PPP6R3: variants seen among roughly 807,000 people sequenced by gnomAD.
The protein encoded by PPP6R3 is serine/threonine-protein phosphatase 6 regulatory subunit 3.
PPP6R3 carries 38 observed loss-of-function variants against 110.7 expected under a neutral mutation model. The observed-to-expected ratio is 0.34, with a 90% CI of 0.26 to 0.45. The LOEUF (loss-of-function observed/expected upper bound fraction) is 0.45. Among genes scored for constraint, PPP6R3 ranks in the 20% least tolerant of loss-of-function variants. The probability of loss-of-function intolerance (pLI) is 1.00; values close to 1 mark genes in which losing one functional copy is unlikely to be tolerated. For synonymous variants in PPP6R3, 369 were observed against 373.5 expected, an observed-to-expected ratio of 0.99 and a Z score of 0.14; for missense variants, 870 against 1,062.4, an observed-to-expected ratio of 0.82 and a Z score of 2.52.
intron 16 of PPP6R3, among the ~76,000 whole-genome samples, chr11:68,589,022 C>T (rs1208610826): frequency 6.6e-6 from 1 of 151,864 alleles, no homozygotes; most frequent in Non-Finnish European, 1.5e-5. Context: ...GCCCGGCCAA[C>T]GTGGCAAAAC....
chr11:68,607,599 G>T (rs1349952911), intron 22 of PPP6R3, among the ~76,000 whole-genome samples: 1 of 152,204 alleles, frequency 6.6e-6, no homozygotes, highest in Non-Finnish European at 1.5e-5. Context: ...AGGCACTAGA[G>T]TTAAGTGATG....
intron 18 of PPP6R3, among the ~76,000 whole-genome samples, chr11:68,594,267 A>AGG (rs1470140703): frequency 3.8e-5 from 2 of 52,256 alleles, no homozygotes; most frequent in East Asian, 3.5e-4. Flanking sequence ...AAAAAGGGGG[A>AGG]GAGAGAGAGA....
rs759133683 is a variant in PPP6R3 at position 68,596,205 on chromosome 11, G to A, written c.2025G>A (p.Val675=). 2 of 1,614,192 alleles carry A rather than the reference G, an allele frequency of 1.2e-6. No homozygotes were observed. The highest frequency in any genetic ancestry group is 2.2e-5 in the South Asian group (2 of 91,078). The change falls in exon 19 of 24, where the codon GTG becomes GTA. Residue 675 remains valine (V), a synonymous_variant. Coordinates refer to ENST00000393800, the MANE Select transcript of PPP6R3 (RefSeq NM_001164161.2). The stretch of plus-strand genomic sequence containing the variant: ...CCAACACGGAGGATAAAATGGAGGT[G>A]GACCTGAGTGAACGTAAGTGGATTC... ...SSANTEDKME[V]DLSEPPNWSA...
intron 2 of PPP6R3, among the ~76,000 whole-genome samples, chr11:68,534,836 G>A (rs920720724): frequency 2.0e-5 from 3 of 152,210 alleles, no homozygotes; most frequent in South Asian, 2.1e-4. Flanking sequence ...AAGCATGGTG[G>A]GTGGCACTGG....
chr11:68,601,751 C>T (rs1228554225), intron 20 of PPP6R3, 112 bp from the exon 21 acceptor site: 3 of 802,930 alleles, frequency 3.7e-6, no homozygotes, highest in Non-Finnish European at 6.1e-6. Flanking sequence ...GACTCTTACA[C>T]AGATGCTAAT....
intron 1 of PPP6R3, among the ~76,000 whole-genome samples, chr11:68,499,952 A>G (rs117837574): frequency 3.3e-5 from 5 of 152,290 alleles, no homozygotes; most frequent in Admixed American, 2.0e-4. Flanking sequence ...TATATCGTGA[A>G]TATCTTTACC....
chr11:68,507,638 AG>A (rs1348977115), intron 1 of PPP6R3, among the ~76,000 whole-genome samples: 1 of 152,118 alleles, frequency 6.6e-6, no homozygotes, highest in Non-Finnish European at 1.5e-5. Flanking sequence ...AAAACGTGTG[AG>A]GGTACTTGCA....
At chr11:68,554,651 C>T (rs1473301595) in intron 7 of PPP6R3, among the ~76,000 whole-genome samples, 1 of 152,170 alleles carries the variant, frequency 6.6e-6, no homozygotes, top group East Asian at 1.9e-4. Context: ...TTCATTGTAT[C>T]TTTGCAGCCG....
intron 10 of PPP6R3, among the ~76,000 whole-genome samples, chr11:68,568,357 T>C (rs890695078): frequency 3.3e-5 from 5 of 152,190 alleles, no homozygotes; most frequent in African/African-American, 7.2e-5. Context: ...TGTTAATCTT[T>C]AGGACTACTT....
Position 68,614,800 on chromosome 11 carries a change from C to T in PPP6R3, c.*1683C>T, listed in dbSNP as rs926283152. On this transcript the variant is annotated 3_prime_UTR_variant, in exon 24 of 24. Transcript: ENST00000393800. ...TGGGCCTCCTCTGGAAGCAGCACCCCCAGAGGACAGGGCTCCTCCTGCTTG... is the reference window on the plus strand; with the variant it reads ...TGGGCCTCCTCTGGAAGCAGCACCCTCAGAGGACAGGGCTCCTCCTGCTTG... The T allele has an allele frequency of 1.3e-6, 2 of 1,507,386 alleles. No individual in the cohort carries two copies. Among genetic ancestry groups the T allele is most frequent in the African/African-American group, 2.8e-5 (2 of 72,152 alleles). 93.4% of individuals were successfully genotyped at this position (1,507,386 alleles called of 1,614,324 possible). A position where few individuals can be genotyped will look rare whatever the true frequency, so the allele number is the denominator to read the frequency against.
intron 9 of PPP6R3, among the ~76,000 whole-genome samples, chr11:68,565,730 T>C (rs1289421971): frequency 6.6e-6 from 1 of 152,048 alleles, no homozygotes; most frequent in Non-Finnish European, 1.5e-5. Context: ...TCTCTGTTAC[T>C]CCGAGAACTG....
At chr11:68,477,097 G>C (rs563282965) in intron 1 of PPP6R3, among the ~76,000 whole-genome samples, 2 of 152,114 alleles carry the variant, frequency 1.3e-5, no homozygotes, top group South Asian at 4.2e-4. Flanking sequence ...AATGTGTTGA[G>C]GCTAGTTTTA....
intron 1 of PPP6R3, among the ~76,000 whole-genome samples, chr11:68,484,156 G>A (rs967099060): frequency 6.6e-5 from 10 of 152,172 alleles, no homozygotes; most frequent in African/African-American, 2.4e-4. Flanking sequence ...TTTGGCAATT[G>A]TGGATAAAGA....
chr11:68,573,224 C>T (rs1180979834), intron 12 of PPP6R3, among the ~76,000 whole-genome samples: 8 of 145,508 alleles, frequency 5.5e-5, no homozygotes, highest in African/African-American at 1.5e-4. Flanking sequence ...AATCCTGGCT[C>T]ACTGCAGTCT....
At chr11:68,492,685 C>G (rs970354509) in intron 1 of PPP6R3, among the ~76,000 whole-genome samples, 1 of 152,138 alleles carries the variant, frequency 6.6e-6, no homozygotes, top group African/African-American at 2.4e-5. Context: ...TTTTGAGGAG[C>G]TGCCATACTG....
At chr11:68,545,925 T>C (rs2099347378) in intron 4 of PPP6R3, among the ~76,000 whole-genome samples, 1 of 152,204 alleles carries the variant, frequency 6.6e-6, no homozygotes, top group Non-Finnish European at 1.5e-5. Flanking sequence ...AGTATAGGTG[T>C]GATGATACGG....
At chr11:68,523,168 AC>A (rs771484724) in intron 2 of PPP6R3, among the ~76,000 whole-genome samples, 1 of 152,186 alleles carries the variant, frequency 6.6e-6, no homozygotes, top group South Asian at 2.1e-4. Flanking sequence ...GGAATCCCTA[AC>A]AAAATTTGCA....
At chr11:68,499,127 G>A (rs773764585) in intron 1 of PPP6R3, among the ~76,000 whole-genome samples, 5 of 150,532 alleles carry the variant, frequency 3.3e-5, no homozygotes, top group Non-Finnish European at 7.4e-5. Flanking sequence ...TCTTTTTTCT[G>A]TTTTTATTAC....
chr11:68,603,087 C>T (rs987714348), intron 21 of PPP6R3, among the ~76,000 whole-genome samples: 1 of 151,994 alleles, frequency 6.6e-6, no homozygotes, highest in Non-Finnish European at 1.5e-5. Context: ...TGGAGGTGGA[C>T]GCTGAGCTGG....
Sources: allele counts gnomAD v4.1 joint callset (sites outside exome capture counted in the v4.1 genomes callset), GRCh38; gene constraint gnomAD v4.1.1; transcripts MANE v1.5; gene names NCBI Gene and HGNC (gene_info 2026-07-23, HGNC 2026-07-21).